The following VPS8 variants were observed in gnomAD, a reference collection of about 807,000 sequenced individuals.
VPS8 encodes VPS8 subunit of CORVET complex.
In VPS8, 129 loss-of-function variants were observed where a neutral mutation model predicts 216.4. The ratio of observed to expected loss-of-function variants is 0.60; its 90% CI spans 0.52 to 0.69. VPS8 has a LOEUF of 0.69. VPS8 is among the 30% of genes least tolerant of loss of function. The pLI is 0.00. For missense variants in VPS8, 1,531 were observed against 1,683.5 expected, an observed-to-expected ratio of 0.91 and a Z score of 1.59; for synonymous variants, 571 against 565.4, an observed-to-expected ratio of 1.01 and a Z score of -0.14.
At chr3:184,882,059 G>A (rs1730364306) in intron 21 of VPS8, among the ~76,000 whole-genome samples, 1 of 151,346 alleles carries the variant, frequency 6.6e-6, no homozygotes, top group Admixed American at 6.6e-5. Flanking sequence ...CAATCTGTGT[G>A]CTATTTTTTT....
chr3:185,036,600 G>A (rs1302446299), intron 46 of VPS8, among the ~76,000 whole-genome samples: 1 of 151,094 alleles, frequency 6.6e-6, no homozygotes, highest in Non-Finnish European at 1.5e-5. Context: ...TTTAGTGGTG[G>A]CCTAGGATTT....
intron 36 of VPS8, among the ~76,000 whole-genome samples, chr3:184,956,048 A>G (rs1745547818): frequency 6.6e-6 from 1 of 152,098 alleles, no homozygotes; most frequent in Admixed American, 6.5e-5. Context: ...GCAAGTATTG[A>G]AAGTTCCAAG....
chr3:184,967,785 G>A (rs776540493), intron 39 of VPS8, among the ~76,000 whole-genome samples: 5 of 151,388 alleles, frequency 3.3e-5, no homozygotes, highest in Admixed American at 1.3e-4. Context: ...TGCAATGAGC[G>A]GAGATTGCAC....
At chr3:184,906,576 CA>C (rs954731487) in intron 25 of VPS8, among the ~76,000 whole-genome samples, 1 of 152,070 alleles carries the variant, frequency 6.6e-6, no homozygotes, top group Non-Finnish European at 1.5e-5. Context: ...TATGATTACT[CA>C]AAAACCCAAT....
chr3:184,897,933 C>G (rs1161901700), intron 23 of VPS8, among the ~76,000 whole-genome samples: 1 of 152,096 alleles, frequency 6.6e-6, no homozygotes, highest in East Asian at 1.9e-4. Flanking sequence ...CTTGCTTCTT[C>G]CTACAGAATT....
Position 184,843,230 on chromosome 3 carries a change from G to A in VPS8, c.536-10G>A. The A allele has an allele frequency of 7.1e-7, 1 of 1,416,172 alleles. No homozygotes were observed. Among genetic ancestry groups the A allele is most frequent in the Non-Finnish European group, 9.3e-7 (1 of 1,072,934 alleles). The allele number at this position is 1,416,172 out of a possible 1,614,324, so 87.7% of individuals were successfully genotyped here. On this transcript the variant is annotated splice_polypyrimidine_tract_variant and intron_variant, in intron 7 of 47. Coordinates refer to ENST00000625842, the MANE Select transcript of VPS8 (RefSeq NM_001009921.3). ...TATCTTTCTTGATCTTTTCTTCATGGATTCAAAAGGAAAAGGTATAGTAAG... is the reference window on the plus strand; with the variant it reads ...TATCTTTCTTGATCTTTTCTTCATGAATTCAAAAGGAAAAGGTATAGTAAG...
intron 21 of VPS8, among the ~76,000 whole-genome samples, chr3:184,885,348 G>C (rs1282892871): frequency 2.0e-5 from 3 of 152,144 alleles, no homozygotes; most frequent in African/African-American, 7.2e-5. Flanking sequence ...TTGATGCTTG[G>C]TTACTTGACA....
At position 184,996,354 on chromosome 3, in the gene VPS8, G is replaced by A; in HGVS notation, c.3689G>A (p.Ser1230Asn). ...TAGACCCTGCTGGAAACAACAACCA[G>A]CCTTCTAAACCAAGATCTCCATTGG... ...YEQTLLETTTSLLNQDLHWSL... is the reference protein window; with the variant it reads ...YEQTLLETTTNLLNQDLHWSL... The change falls in exon 44 of 48, where the codon AGC becomes AAC. Residue 1230 changes from serine (S) to asparagine (N), a missense_variant. Around this residue, in one of 3 missense-constraint regions of VPS8, gnomAD observed 1,318 missense variants for 1,468.4 expected, o/e 0.90. Coordinates refer to ENST00000625842, the MANE Select transcript of VPS8 (RefSeq NM_001009921.3). 2 of 1,612,484 alleles carry A rather than the reference G, an allele frequency of 1.2e-6. No individual in the cohort carries two copies. Among genetic ancestry groups the A allele is most frequent in the Non-Finnish European group, 1.7e-6 (2 of 1,179,318 alleles).
intron 38 of VPS8, 43 bp downstream of exon 38, chr3:184,964,600 C>T (rs1411208347): frequency 1.6e-6 from 2 of 1,262,180 alleles, no homozygotes; most frequent in African/African-American, 1.5e-5. Context: ...TCTGTCTATT[C>T]CTCTATTCAT....
intron 42 of VPS8, among the ~76,000 whole-genome samples, chr3:184,984,670 C>G (rs1351700760): frequency 6.6e-6 from 1 of 152,144 alleles, no homozygotes; most frequent in Admixed American, 6.5e-5. Context: ...ATATAGACTG[C>G]TTCACATATC....
chr3:184,868,666 A>G (rs1197419247), intron 18 of VPS8, among the ~76,000 whole-genome samples: 2 of 152,236 alleles, frequency 1.3e-5, no homozygotes, highest in African/African-American at 2.4e-5. Context: ...GAGGAAATCA[A>G]TGTTGTGATA....
At chr3:184,915,087 T>G in intron 27 of VPS8, 34 bp downstream of exon 27, 1 of 1,606,358 alleles carries the variant, frequency 6.2e-7, no homozygotes, top group South Asian at 1.1e-5. Flanking sequence ...TTGACTGTTC[T>G]CCGTCTCTGG....
intron 40 of VPS8, among the ~76,000 whole-genome samples, chr3:184,975,069 G>T (rs536485234): frequency 6.6e-6 from 1 of 152,022 alleles, no homozygotes; most frequent in Non-Finnish European, 1.5e-5. Flanking sequence ...TGAATTTTAA[G>T]ATTGTGTTTT....
chr3:184,879,270 T>G (rs533440596), intron 21 of VPS8, among the ~76,000 whole-genome samples: 1 of 152,210 alleles, frequency 6.6e-6, no homozygotes, highest in East Asian at 1.9e-4. Context: ...ATCTTAAATA[T>G]ACATGAATAT....
chr3:185,012,938 T>C (rs865979183), intron 45 of VPS8, among the ~76,000 whole-genome samples: 7 of 149,988 alleles, frequency 4.7e-5, no homozygotes, highest in South Asian at 2.1e-4. Flanking sequence ...GTATTGTTTC[T>C]ATAGATTATA....
chr3:185,001,075 G>T (rs984640355), intron 45 of VPS8, among the ~76,000 whole-genome samples: 2 of 152,176 alleles, frequency 1.3e-5, no homozygotes, highest in Non-Finnish European at 2.9e-5. Flanking sequence ...CACTGTGCCA[G>T]GTGCCTGGGG....
chr3:184,895,588 GCTC>G (rs1266113464), intron 23 of VPS8, among the ~76,000 whole-genome samples: 3 of 38,462 alleles, frequency 7.8e-5, no homozygotes, highest in African/African-American at 2.2e-4. Context: ...TCCTCCTCCT[GCTC>G]CTCCTCCTCC....
intron 42 of VPS8, among the ~76,000 whole-genome samples, chr3:184,985,398 T>C (rs1750908592): frequency 6.6e-6 from 1 of 152,182 alleles, no homozygotes; most frequent in South Asian, 2.1e-4. Flanking sequence ...TAATTAAATA[T>C]ATTAATTGTA....
At position 185,037,091 on chromosome 3, in the gene VPS8, A is replaced by T. The variant is rs1285040820; in HGVS notation, c.4057-11388A>T. 2.0e-5 allele frequency among the ~76,000 whole-genome samples: 3 copies of T among 151,690 alleles called. No homozygotes were observed. In the East Asian group the frequency reaches 5.8e-4, roughly 29 times the overall value. ...TTTTTTTTTTTTTAACATGGATTTA[A>T]ATTACCCTCCATAGTCAGTTGCTTT... On this transcript the variant is annotated intron_variant, in intron 46 of 47. Coordinates refer to ENST00000625842, the MANE Select transcript of VPS8 (RefSeq NM_001009921.3).
Sources: gnomAD v4.1 joint callset for allele counts (sites outside exome capture counted in the v4.1 genomes callset) on GRCh38, gnomAD v4.1.1 for gene constraint, gnomAD v4.1.1 regional missense constraint, MANE v1.5 for transcripts, NCBI Gene and HGNC (gene_info 2026-07-23, HGNC 2026-07-21) for gene names.